The following PPARG variants were observed in gnomAD, a reference collection of about 807,000 sequenced individuals.
PPARG encodes the protein peroxisome proliferator activated receptor gamma, also known as peroxisome proliferator-activated receptor gamma.
In PPARG, 17 loss-of-function variants were observed where a neutral mutation model predicts 39.2. The ratio of observed to expected loss-of-function variants is 0.43; its 90% CI spans 0.30 to 0.65. The LOEUF (loss-of-function observed/expected upper bound fraction) is 0.65. Among genes scored for constraint, PPARG ranks in the 30% least tolerant of loss-of-function variants. The probability of loss-of-function intolerance (pLI) is 0.13; values close to 1 mark genes in which losing one functional copy is unlikely to be tolerated. For synonymous variants in PPARG, 223 were observed against 215.7 expected (o/e 1.03, Z -0.30); for missense variants, 406 against 585.9 (o/e 0.69, Z 3.17).
At chr3:12,368,093 A>G (rs1049827354) in intron 2 of PPARG, among the ~76,000 whole-genome samples, 1 of 152,086 alleles carries the variant, frequency 6.6e-6, no homozygotes, top group African/African-American at 2.4e-5. Flanking sequence ...GTCTAAGTAG[A>G]CAATAAAATG....
At chr3:12,406,201 G>T (rs2050661047) in intron 6 of PPARG, 120 bp downstream of exon 6, 4 of 1,040,578 alleles carry the variant, frequency 3.8e-6, no homozygotes, top group Non-Finnish European at 5.9e-6. Context: ...TCAACTGTTG[G>T]CTGTTAACAT....
chr3:12,424,347 A>G (rs922085689), intron 7 of PPARG, among the ~76,000 whole-genome samples: 11 of 152,226 alleles, frequency 7.2e-5, no homozygotes, highest in African/African-American at 2.7e-4. Context: ...TCCCTTCCCC[A>G]GCCCAGGCAT....
At chr3:12,422,081 C>T (rs894541260) in intron 7 of PPARG, among the ~76,000 whole-genome samples, 13 of 152,150 alleles carry the variant, frequency 8.5e-5, no homozygotes, top group African/African-American at 3.1e-4. Flanking sequence ...ATGGGTCATA[C>T]CAGATAGATA....
At position 12,351,640 on chromosome 3, in the gene PPARG, C is replaced by T. The variant is rs1040659276; in HGVS notation, c.-8-28064C>T. 3 of 1,611,806 alleles carry T rather than the reference C, an allele frequency of 1.9e-6. No homozygotes were observed. The Admixed American group carries it at 5.0e-5, about 27-fold the overall frequency. On this transcript the variant is annotated intron_variant, in intron 2 of 7. Coordinates refer to ENST00000651735, the MANE Select transcript of PPARG (RefSeq NM_138711.6). ...CTCCTATTGACCCAGAAAGCGATTC[C>T]TTCACTGATACACTGTCTGCAAACA...
At chr3:12,381,579 G>A in intron 4 of PPARG, 88 bp downstream of exon 4, 1 of 1,394,530 alleles carries the variant, frequency 7.2e-7, no homozygotes, top group African/African-American at 1.4e-5. Flanking sequence ...TACAATATAT[G>A]AATTTTTTTT....
At position 12,406,374 on chromosome 3, in the gene PPARG, TCTTTTAGGATCCATCTC is replaced by T. The variant is rs570985258; in HGVS notation, c.729+298_729+314del. The T allele has an allele frequency of 4.2e-5, 17 of 402,550 alleles. No homozygotes were observed. The East Asian group carries it at 6.2e-4, about 15-fold the overall frequency. 24.9% of individuals were successfully genotyped at this position (402,550 alleles called of 1,614,324 possible). Reference sequence around the variant, plus strand: ...CTTAAGCCCCCTGAGCCTATCACCCTCTTTTAGGATCCATCTCCTTTCTCGGCATCAAAATAACTGGC... The same window carrying T: ...CTTAAGCCCCCTGAGCCTATCACCCTCTTTCTCGGCATCAAAATAACTGGC... On this transcript the variant is annotated intron_variant, in intron 6 of 7. Coordinates refer to ENST00000651735, the MANE Select transcript of PPARG (RefSeq NM_138711.6).
intron 6 of PPARG, 173 bp downstream of exon 6, chr3:12,406,254 C>A: frequency 1.4e-6 from 1 of 694,950 alleles, no homozygotes; most frequent in Non-Finnish European, 2.6e-6. Flanking sequence ...TTTCAGATAG[C>A]ACAAGTCAAC....
At chr3:12,390,898 G>A (rs547587963) in intron 4 of PPARG, among the ~76,000 whole-genome samples, 3 of 151,956 alleles carry the variant, frequency 2.0e-5, no homozygotes, top group East Asian at 3.9e-4. Context: ...CGATCAATCC[G>A]CCTCAGTCTG....
intron 7 of PPARG, among the ~76,000 whole-genome samples, chr3:12,418,402 A>G (rs2125289566): frequency 6.6e-6 from 1 of 152,336 alleles, no homozygotes; most frequent in Non-Finnish European, 1.5e-5. Context: ...TGTACTCTAC[A>G]GTGTATCCTC....
chr3:12,377,823 A>G (rs1026749837), intron 2 of PPARG, among the ~76,000 whole-genome samples: 8 of 152,354 alleles, frequency 5.3e-5, no homozygotes, highest in Admixed American at 3.9e-4. Context: ...AGCCTACAGA[A>G]TAGGGGAATC....
chr3:12,340,564 G>A (rs774605517), intron 2 of PPARG, among the ~76,000 whole-genome samples: 25 of 152,078 alleles, frequency 1.6e-4, no homozygotes, highest in Non-Finnish European at 2.9e-4. Context: ...AATAGAGGCC[G>A]TGTTTTTAAA....
chr3:12,361,063 T>C (rs2125117835), intron 2 of PPARG, among the ~76,000 whole-genome samples: 1 of 152,336 alleles, frequency 6.6e-6, no homozygotes. Flanking sequence ...CCATCACTGG[T>C]ACTTGGCATT....
intron 1 of PPARG, among the ~76,000 whole-genome samples, chr3:12,310,357 A>ACTTAAT (rs1257394530): frequency 2.0e-5 from 3 of 152,172 alleles, no homozygotes; most frequent in Non-Finnish European, 2.9e-5. Flanking sequence ...AGCTGGTACA[A>ACTTAAT]CTTAATCTTA....
intron 7 of PPARG, among the ~76,000 whole-genome samples, chr3:12,420,318 C>A (rs779243091): frequency 6.6e-6 from 1 of 152,200 alleles, no homozygotes; most frequent in Non-Finnish European, 1.5e-5. Context: ...TAGAGTAAGA[C>A]AAAATTTCTC....
chr3:12,357,139 G>A (rs2048692470), intron 2 of PPARG, among the ~76,000 whole-genome samples: 1 of 151,824 alleles, frequency 6.6e-6, no homozygotes, highest in African/African-American at 2.4e-5. Flanking sequence ...GTCTCAACCG[G>A]TCACCCACAG....
At chr3:12,319,935 C>G (rs1487446399) in intron 2 of PPARG, among the ~76,000 whole-genome samples, 1 of 152,034 alleles carries the variant, frequency 6.6e-6, no homozygotes, top group African/African-American at 2.4e-5. Context: ...TAATAATTGC[C>G]TTGACTTTTT....
intron 7 of PPARG, among the ~76,000 whole-genome samples, chr3:12,427,896 C>CAT (rs965487683): frequency 2.0e-5 from 3 of 152,196 alleles, no homozygotes; most frequent in African/African-American, 7.2e-5. Context: ...GCCCTGCAAT[C>CAT]ACATTTGTTT....
chr3:12,416,791 A>G lies in PPARG; in HGVS notation c.817A>G (p.Lys273Glu). 6.2e-7 allele frequency: 1 copy of G among 1,614,142 alleles called. No individual in the cohort carries two copies. Among genetic ancestry groups the G allele is most frequent in the Non-Finnish European group, 8.5e-7 (1 of 1,179,986 alleles). ...KHITPLQEQS[K>E]EVAIRIFQGC... ...CATCACCCCCCTGCAGGAGCAGAGC[A>G]AAGAGGTGGCCATCCGCATCTTTCA... is the stretch of plus-strand genomic sequence containing the variant. The change falls in exon 7 of 8, where the codon AAA becomes GAA. Residue 273 changes from lysine to glutamate, a missense_variant. Coordinates refer to ENST00000651735, the MANE Select transcript of PPARG (RefSeq NM_138711.6).
At chr3:12,414,540 CAAGAAACACGT>C (rs2050994180) in intron 6 of PPARG, among the ~76,000 whole-genome samples, 2 of 152,150 alleles carry the variant, frequency 1.3e-5, no homozygotes, top group South Asian at 4.1e-4. Flanking sequence ...GCCTGGAGGA[CAAGAAACACGT>C]TTTCTCTAGG....
Sources: allele counts gnomAD v4.1 joint callset (sites outside exome capture counted in the v4.1 genomes callset), GRCh38; gene constraint gnomAD v4.1.1; transcripts MANE v1.5; gene names NCBI Gene and HGNC (gene_info 2026-07-23, HGNC 2026-07-21).